ITPR1: variants seen among roughly 807,000 people sequenced by gnomAD.
ITPR1 encodes inositol 1,4,5-trisphosphate-gated calcium channel ITPR1.
ITPR1 carries 96 observed loss-of-function variants against 318.4 expected under a neutral mutation model. The ratio of observed to expected loss-of-function variants is 0.30; its 90% CI spans 0.26 to 0.36. The LOEUF is 0.36. Among genes scored for constraint, ITPR1 ranks in the 10% least tolerant of loss-of-function variants. The probability of loss-of-function intolerance (pLI) is 1.00; values close to 1 mark genes in which losing one functional copy is unlikely to be tolerated. For missense variants in ITPR1, 2,440 were observed against 3,460.2 expected (o/e 0.71, Z 7.40); for synonymous variants, 1,312 against 1,289.9 (o/e 1.02, Z -0.37).
At chr3:4,689,887 G>A (rs1329962147) in intron 31 of ITPR1, among the ~76,000 whole-genome samples, 1 of 152,202 alleles carries the variant, frequency 6.6e-6, no homozygotes, top group East Asian at 1.9e-4. Flanking sequence ...GAGGCAGAGA[G>A]TAAAAGACAT....
intron 4 of ITPR1, among the ~76,000 whole-genome samples, chr3:4,577,182 A>G (rs2088771088): frequency 1.3e-5 from 2 of 152,186 alleles, no homozygotes; most frequent in Middle Eastern, 3.2e-3. Flanking sequence ...CCCTGGGCAC[A>G]TGATGACACA....
chr3:4,493,654 C>T (rs1482098992), intron 1 of ITPR1, 49 bp downstream of exon 1: 2 of 152,388 alleles, frequency 1.3e-5, no homozygotes, highest in African/African-American at 4.8e-5. Flanking sequence ...CACTGGCTCC[C>T]CGGGCGCAGA....
intron 55 of ITPR1, among the ~76,000 whole-genome samples, 185 bp downstream of exon 55, chr3:4,806,452 C>G (rs2048559695): frequency 6.7e-6 from 1 of 150,164 alleles, no homozygotes; most frequent in Admixed American, 6.6e-5. Context: ...TTGGGTCAGC[C>G]CAGGAATTCA....
chr3:4,801,597 C>G lies in ITPR1; in HGVS notation c.7107+997C>G, dbSNP rs527825030. Among the ~76,000 whole-genome samples the G allele has an allele frequency of 2.5e-3, 376 of 152,106 alleles. 1 individual carries two copies. The highest frequency in any genetic ancestry group is 8.4e-3 in the African/African-American group (349 of 41,484). ...TGGCTAACATGGCAGAACCCTATCT[C>G]TACTAAAAATACAAAAATTAGCTGG... On this transcript the variant is annotated intron_variant, in intron 54 of 61. Coordinates refer to ENST00000649015, the MANE Select transcript of ITPR1 (RefSeq NM_001378452.1).
At chr3:4,609,051 A>AATATAT (rs754002503) in intron 4 of ITPR1, among the ~76,000 whole-genome samples, 2,860 of 46,072 alleles carry the variant, frequency 0.062, 162 homozygotes, top group Non-Finnish European at 0.096. Flanking sequence ...ACAACAACGA[A>AATATAT]ATATATATAT....
chr3:4,609,713 G>A (rs1185976970), intron 4 of ITPR1, among the ~76,000 whole-genome samples: 4 of 152,062 alleles, frequency 2.6e-5, no homozygotes, highest in African/African-American at 9.7e-5. Context: ...CTCACATGTG[G>A]TCGGGGCTGG....
intron 44 of ITPR1, among the ~76,000 whole-genome samples, chr3:4,745,487 G>T (rs1346020453): frequency 6.6e-6 from 1 of 152,152 alleles, no homozygotes; most frequent in Non-Finnish European, 1.5e-5. Flanking sequence ...CTCCCTTATG[G>T]CTTAATGCTG....
At chr3:4,575,236 A>G (rs2088504570) in intron 4 of ITPR1, among the ~76,000 whole-genome samples, 1 of 152,224 alleles carries the variant, frequency 6.6e-6, no homozygotes, top group Non-Finnish European at 1.5e-5. Context: ...GGGAGCACAA[A>G]TAAAAGAGAT....
At chr3:4,792,124 T>C (rs2047595861) in intron 52 of ITPR1, among the ~76,000 whole-genome samples, 1 of 152,190 alleles carries the variant, frequency 6.6e-6, no homozygotes, top group Admixed American at 6.5e-5. Context: ...GCATTTCTCA[T>C]GCTGTGCTAC....
intron 2 of ITPR1, among the ~76,000 whole-genome samples, chr3:4,506,907 A>G (rs1043693409): frequency 2.0e-5 from 3 of 152,222 alleles, no homozygotes; most frequent in African/African-American, 7.2e-5. Flanking sequence ...TTCATGCCTA[A>G]AAACAATTCA....
intron 52 of ITPR1, among the ~76,000 whole-genome samples, chr3:4,791,506 G>A (rs2047552493): frequency 6.6e-6 from 1 of 152,220 alleles, no homozygotes; most frequent in African/African-American, 2.4e-5. Context: ...CAGAGGCAGA[G>A]CTTAGGTGGT....
At chr3:4,654,625 A>G (rs1292270982) in intron 12 of ITPR1, among the ~76,000 whole-genome samples, 3 of 152,182 alleles carry the variant, frequency 2.0e-5, no homozygotes, top group Admixed American at 2.0e-4. Context: ...CCTGTGTCTG[A>G]CATGTGTGTC....
intron 61 of ITPR1, among the ~76,000 whole-genome samples, chr3:4,837,211 A>G (rs1219880773): frequency 6.6e-6 from 1 of 152,210 alleles, no homozygotes; most frequent in East Asian, 1.9e-4. Flanking sequence ...AGGGAAATGC[A>G]GACTACTTCA....
At chr3:4,738,675 G>T (rs781254649) in intron 44 of ITPR1, among the ~76,000 whole-genome samples, 11 of 152,180 alleles carry the variant, frequency 7.2e-5, no homozygotes, top group Admixed American at 2.0e-4. Flanking sequence ...TGATGGTGAC[G>T]GCCAGGCACA....
intron 3 of ITPR1, 69 bp downstream of exon 3, chr3:4,516,652 A>T: frequency 2.1e-6 from 2 of 957,314 alleles, no homozygotes; most frequent in East Asian, 2.6e-5. Flanking sequence ...TAAAACTGTG[A>T]TTTTTCTAAC....
rs555074111 is a variant in ITPR1 at position 4,597,195 on chromosome 3, C to A, written c.164-30568C>A. On this transcript the variant is annotated intron_variant, in intron 4 of 61. Coordinates refer to ENST00000649015, the MANE Select transcript of ITPR1 (RefSeq NM_001378452.1). ...GGAGGTGGATTTGAATGTGAAATTG[C>A]CCTCTTTTAAAAATAGTGGCAATTA... is the stretch of plus-strand genomic sequence containing the variant. Among the ~76,000 whole-genome samples the A allele has an allele frequency of 3.2e-4, 49 of 152,208 alleles. 1 individual carries two copies. Among genetic ancestry groups the A allele is most frequent in the Middle Eastern group, 6.8e-3 (2 of 294 alleles).
At chr3:4,673,541 C>A (rs1345726251) in intron 21 of ITPR1, among the ~76,000 whole-genome samples, 154 bp downstream of exon 21, 2 of 152,024 alleles carry the variant, frequency 1.3e-5, no homozygotes. Context: ...TTTTTTTCCT[C>A]AAGAATGTGA....
chr3:4,763,958 G>A (rs542303896), intron 44 of ITPR1, among the ~76,000 whole-genome samples: 1 of 152,326 alleles, frequency 6.6e-6, no homozygotes, highest in South Asian at 2.1e-4. Flanking sequence ...TGACCAGATT[G>A]TCCCAAAATG....
chr3:4,763,708 G>A (rs780477987), intron 44 of ITPR1, among the ~76,000 whole-genome samples: 34 of 152,352 alleles, frequency 2.2e-4, no homozygotes, highest in African/African-American at 7.9e-4. Context: ...CCTAGTGACC[G>A]TGGCGGAAAC....
Sources: gnomAD v4.1 joint callset for allele counts (sites outside exome capture counted in the v4.1 genomes callset) on GRCh38, gnomAD v4.1.1 for gene constraint, MANE v1.5 for transcripts, NCBI Gene and HGNC (gene_info 2026-07-23, HGNC 2026-07-21) for gene names.